Variants in CPNE2 observed in about 807,000 individuals in gnomAD.
CPNE2 encodes copine-2.
CPNE2 carries 42 observed loss-of-function variants against 69.7 expected under a neutral mutation model. The observed-to-expected ratio is 0.60, with a 90% CI of 0.47 to 0.78. CPNE2 has a LOEUF of 0.78. CPNE2 is among the 30% of genes least tolerant of loss of function. The pLI is 0.00. For synonymous variants in CPNE2, 294 were observed against 289.8 expected (o/e 1.01, Z -0.15); for missense variants, 587 against 732.0 (o/e 0.80, Z 2.29).
chr16:57,146,418 C>T lies in CPNE2; in HGVS notation c.1539+97C>T, dbSNP rs1222303448. The T allele has an allele frequency of 6.7e-6, 7 of 1,047,718 alleles. 1 individual carries two copies. The South Asian group carries it at 1.1e-4, about 17-fold the overall frequency. The allele number at this position is 1,047,718 out of a possible 1,614,324, so 64.9% of individuals were successfully genotyped here. On this transcript the variant is annotated intron_variant, in intron 15 of 15. Coordinates refer to ENST00000290776, the MANE Select transcript of CPNE2 (RefSeq NM_152727.6). The surrounding 1 kb of genome is among the most constrained non-coding windows in gnomAD (Gnocchi z 4.4). ...GAGTCTTGGGGTTGTCTGGCCCAAT[C>T]CTAGACTTCTCCACTCCATTGACTA...
intron 14 of CPNE2, among the ~76,000 whole-genome samples, chr16:57,145,115 T>G (rs1015910228): frequency 3.3e-5 from 5 of 152,006 alleles, no homozygotes; most frequent in Non-Finnish European, 5.9e-5. Flanking sequence ...ATAAAGAAAC[T>G]CTATATCCCA....
Position 57,113,105 on chromosome 16 carries a change from C to T in CPNE2, c.181-183C>T, listed in dbSNP as rs1441313120. 8.3e-6 allele frequency: 5 copies of T among 604,898 alleles called. No individual in the cohort carries two copies. The African/African-American group carries it at 9.3e-5, about 11-fold the overall frequency. The allele number at this position is 604,898 out of a possible 1,614,324, so 37.5% of individuals were successfully genotyped here. ...AAGCTGTCCAGCCCTGGGGAAGTCACTTAACCTCTCTGTGCTTCAGTGTCC... is the reference window on the plus strand; with the variant it reads ...AAGCTGTCCAGCCCTGGGGAAGTCATTTAACCTCTCTGTGCTTCAGTGTCC... On this transcript the variant is annotated intron_variant, in intron 2 of 15. Transcript: ENST00000290776.
chr16:57,113,917 A>G (rs2069699049), intron 3 of CPNE2, among the ~76,000 whole-genome samples: 1 of 152,194 alleles, frequency 6.6e-6, no homozygotes, highest in Non-Finnish European at 1.5e-5. Flanking sequence ...CCCCTGACAC[A>G]AGTCTCAATC....
intron 7 of CPNE2, among the ~76,000 whole-genome samples, chr16:57,120,756 G>GA (rs1408498041): frequency 6.6e-6 from 1 of 152,206 alleles, no homozygotes; most frequent in East Asian, 1.9e-4. Flanking sequence ...GCTCATCTCA[G>GA]AAAAAAATAT....
In CPNE2 at chr16:57,147,746, C is replaced by T. The variant is rs2069970955; in HGVS notation, c.*88C>T. On this transcript the variant is annotated 3_prime_UTR_variant, in exon 16 of 16. Coordinates refer to ENST00000290776, the MANE Select transcript of CPNE2 (RefSeq NM_152727.6). ...CTCACTCTGCTTCCTTGTGGGTGGC[C>T]TTTTTTTACCGATCCCCTTTTTTAT... 21 of 765,154 alleles carry T rather than the reference C, an allele frequency of 2.7e-5. No individual in the cohort carries two copies. Among genetic ancestry groups the T allele is most frequent in the Non-Finnish European group, 3.8e-5 (20 of 526,396 alleles). The allele number at this position is 765,154 out of a possible 1,614,324, so 47.4% of individuals were successfully genotyped here.
chr16:57,112,678 G>A (rs1355812760), intron 2 of CPNE2, among the ~76,000 whole-genome samples: 3 of 152,144 alleles, frequency 2.0e-5, no homozygotes, highest in Admixed American at 6.5e-5. Flanking sequence ...CCTCAGCCAG[G>A]CTTTGGTATC....
chr16:57,146,485 G>A lies in CPNE2; in HGVS notation c.1539+164G>A. 1 of 654,816 alleles carries A rather than the reference G, an allele frequency of 1.5e-6. No individual in the cohort carries two copies. The highest frequency in any genetic ancestry group is 2.6e-6 in the Non-Finnish European group (1 of 385,770). The allele number at this position is 654,816 out of a possible 1,614,324, so 40.6% of individuals were successfully genotyped here. A position where few individuals can be genotyped will look rare whatever the true frequency, so the allele number is the denominator to read the frequency against. ...TGCCATGTGCCAGGCGCCGTGCCAG[G>A]CCTTGCCCCGGTGGTGGCCATTGTG... On this transcript the variant is annotated intron_variant, in intron 15 of 15. Coordinates refer to ENST00000290776, the MANE Select transcript of CPNE2 (RefSeq NM_152727.6). The surrounding 1 kb of genome is among the most constrained non-coding windows in gnomAD (Gnocchi z 4.4).
chr16:57,140,428 T>C (rs1252950062), intron 14 of CPNE2, among the ~76,000 whole-genome samples: 1 of 152,026 alleles, frequency 6.6e-6, no homozygotes, highest in South Asian at 2.1e-4. Flanking sequence ...CGCCTCAGCC[T>C]CCCAAAGTGC....
intron 12 of CPNE2, 128 bp from the exon 13 acceptor site, chr16:57,134,647 A>G: frequency 1.1e-6 from 1 of 932,378 alleles, no homozygotes; most frequent in Non-Finnish European, 1.7e-6. Flanking sequence ...TCAGTGGCCT[A>G]GAGGAGGGTA....
At chr16:57,131,725 C>T (rs149722836) in intron 12 of CPNE2, among the ~76,000 whole-genome samples, 1,557 of 152,284 alleles carry the variant, frequency 0.01, 23 homozygotes, top group African/African-American at 0.035. Context: ...AGGCCTGGCC[C>T]CTCCTGGCCC....
chr16:57,103,545 G>A (rs2069629031), intron 1 of CPNE2, among the ~76,000 whole-genome samples: 1 of 152,172 alleles, frequency 6.6e-6, no homozygotes, highest in African/African-American at 2.4e-5. Context: ...ACCAGCCTCT[G>A]GAATGGGGGC....
Position 57,137,219 on chromosome 16 carries a change from C to A in CPNE2, c.1239C>A (p.Phe413Leu). 1 of 1,614,248 alleles carries A rather than the reference C, an allele frequency of 6.2e-7. No homozygotes were observed. The highest frequency in any genetic ancestry group is 8.5e-7 in the Non-Finnish European group (1 of 1,180,042). ...PHIRFYGPTN[F>L]SPIVNHVARF... Reference sequence around the variant, plus strand: ...TCCGCTTCTACGGTCCTACCAATTTCTCCCCCATCGTCAACCACGTGGCCC... The same window carrying A: ...TCCGCTTCTACGGTCCTACCAATTTATCCCCCATCGTCAACCACGTGGCCC... Residue 413 changes from phenylalanine (F) to leucine (L), a missense_variant, in exon 14 of 16, where the codon TTC (phenylalanine) becomes TTA (leucine). Physicochemically the swap from Phe to Leu is conservative, Grantham distance 22. Around this residue, in one of 5 missense-constraint regions of CPNE2, gnomAD observed 185 missense variants for 252.3 expected, o/e 0.73. Coordinates refer to ENST00000290776, the MANE Select transcript of CPNE2 (RefSeq NM_152727.6).
At chr16:57,145,824 A>G in intron 14 of CPNE2, 1 of 505,226 alleles carries the variant, frequency 2.0e-6, no homozygotes, top group Non-Finnish European at 3.6e-6. Flanking sequence ...CCCAAGGGGG[A>G]GTCTAAGATA....
intron 1 of CPNE2, among the ~76,000 whole-genome samples, chr16:57,102,461 G>T (rs1322335567): frequency 6.6e-6 from 1 of 152,090 alleles, no homozygotes; most frequent in African/African-American, 2.4e-5. Flanking sequence ...GACCTTGAGG[G>T]CTGTGTATCC....
At position 57,127,987 on chromosome 16, in the gene CPNE2, T is replaced by C. The variant is rs2069812477; in HGVS notation, c.1116+84T>C. The C allele has an allele frequency of 4.9e-6, 7 of 1,418,188 alleles. No individual in the cohort carries two copies. The Admixed American group carries it at 1.1e-4, about 22-fold the overall frequency. 87.9% of individuals were successfully genotyped at this position (1,418,188 alleles called of 1,614,324 possible). On this transcript the variant is annotated intron_variant, in intron 12 of 15. Coordinates refer to ENST00000290776, the MANE Select transcript of CPNE2 (RefSeq NM_152727.6). ...CTCGGGGATCAGCTCTGGAAAGGTCTTGGGCTGGGGCCCTGTTGCCCTGCC... is the reference window on the plus strand; with the variant it reads ...CTCGGGGATCAGCTCTGGAAAGGTCCTGGGCTGGGGCCCTGTTGCCCTGCC...
At chr16:57,121,824 A>G in intron 9 of CPNE2, 64 bp downstream of exon 9, 1 of 1,465,912 alleles carries the variant, frequency 6.8e-7, no homozygotes, top group Non-Finnish European at 9.5e-7. Context: ...AGGGACAGAC[A>G]GAGCACTGGA....
Position 57,094,489 on chromosome 16 carries a change from G to A in CPNE2, c.-36+1699G>A, listed in dbSNP as rs115585152. Among the ~76,000 whole-genome samples, 1,281 of 152,284 alleles carry A rather than the reference G, an allele frequency of 8.4e-3. 15 individuals are homozygous for A. The highest frequency in any genetic ancestry group is 0.029 in the African/African-American group (1,194 of 41,548). On this transcript the variant is annotated intron_variant, in intron 1 of 15. Coordinates refer to ENST00000290776, the MANE Select transcript of CPNE2 (RefSeq NM_152727.6). ...GAATGGAGCCTCGGTTTCTATGTCTGTAAAACAGTAAGTACTGGACCCCAT... is the reference window on the plus strand; with the variant it reads ...GAATGGAGCCTCGGTTTCTATGTCTATAAAACAGTAAGTACTGGACCCCAT...
intron 14 of CPNE2, 151 bp downstream of exon 14, chr16:57,137,433 C>A: frequency 9.2e-7 from 1 of 1,088,432 alleles, no homozygotes; most frequent in Non-Finnish European, 1.3e-6. Context: ...TTGAGTCAAG[C>A]TCAACTTGAT....
intron 1 of CPNE2, among the ~76,000 whole-genome samples, chr16:57,095,485 T>C (rs377553950): frequency 6.6e-6 from 1 of 152,226 alleles, no homozygotes; most frequent in South Asian, 2.1e-4. Flanking sequence ...TATTTATTTA[T>C]TTTTTGAGAC....
Sources: gnomAD v4.1 joint callset for allele counts (sites outside exome capture counted in the v4.1 genomes callset) on GRCh38, gnomAD v4.1.1 for gene constraint, gnomAD v4.1.1 regional missense constraint, Gnocchi (gnomAD v3.1) non-coding constraint, MANE v1.5 for transcripts, NCBI Gene and HGNC (gene_info 2026-07-23, HGNC 2026-07-21) for gene names.